Variants in CFLAR observed in about 807,000 individuals in gnomAD.
CFLAR encodes the protein CASP8 and FADD-like apoptosis regulator.
Under a neutral mutation model 51.1 loss-of-function variants are expected in CFLAR, and 14 were observed. The observed-to-expected ratio is 0.27, with a 90% CI of 0.18 to 0.43. The LOEUF is 0.43. Among genes scored for constraint, CFLAR ranks in the 20% least tolerant of loss-of-function variants. The pLI is 1.00. For missense variants in CFLAR, 390 were observed against 566.5 expected (o/e 0.69, Z 3.16); for synonymous variants, 210 against 211.6 (o/e 0.99, Z 0.06).
At chr2:201,132,439 A>ATG (rs1159751892) in intron 2 of CFLAR, among the ~76,000 whole-genome samples, 1 of 148,990 alleles carries the variant, frequency 6.7e-6, no homozygotes, top group African/African-American at 2.5e-5. Flanking sequence ...AAATATATAT[A>ATG]TATATATATA....
chr2:201,139,102 G>A (rs1285349973), intron 4 of CFLAR: 5 of 375,902 alleles, frequency 1.3e-5, no homozygotes, highest in Non-Finnish European at 2.6e-5. Context: ...AAATTCTTCT[G>A]CCTCGAGATG....
rs373336885 is a variant in CFLAR, at chr2:201,140,480, G to T, written c.606+41G>T. On this transcript the variant is annotated intron_variant, in intron 5 of 9. Transcript: ENST00000309955. ...ACATATGGAATCCCAGCATGAAACC[G>T]TTTCAGAGTTCTAATAAAAATATGC... 4.3e-5 allele frequency: 63 copies of T among 1,450,422 alleles called. No homozygotes were observed. In the East Asian group the frequency reaches 1.0e-3, roughly 24 times the overall value. The allele number at this position is 1,450,422 out of a possible 1,614,324, so 89.8% of individuals were successfully genotyped here.
Position 201,138,103 on chromosome 2 carries a change from C to G in CFLAR, c.523+1996C>G. ...CCGCGCAGTCCATGCCCCTGCCCAG[C>G]CCATCCACACCAGCGTCAATCAGGT... On this transcript the variant is annotated intron_variant, in intron 4 of 9. Coordinates refer to ENST00000309955, the MANE Select transcript of CFLAR (RefSeq NM_003879.7). This position sits in a 1 kb window ranked among gnomAD's most constrained non-coding sequence, Gnocchi z 4.0. The G allele has an allele frequency of 1.3e-6, 1 of 753,484 alleles. No individual in the cohort carries two copies. Among genetic ancestry groups the G allele is most frequent in the Non-Finnish European group, 2.5e-6 (1 of 406,114 alleles). The allele number at this position is 753,484 out of a possible 1,614,324, so 46.7% of individuals were successfully genotyped here.
intron 5 of CFLAR, chr2:201,140,774 T>TATACATAC (rs1280645947): frequency 6.2e-6 from 1 of 161,926 alleles, no homozygotes; most frequent in African/African-American, 2.4e-5. Context: ...TATATATATA[T>TATACATAC]ATACATACAT....
chr2:201,140,051 GA>G lies in CFLAR; in HGVS notation c.524-305del, dbSNP rs1938229612. 24 of 278,008 alleles carry G rather than the reference GA, an allele frequency of 8.6e-5. 1 individual carries two copies. The highest frequency in any genetic ancestry group is 6.1e-4 in the South Asian group (23 of 37,666). The allele number at this position is 278,008 out of a possible 1,614,324, so 17.2% of individuals were successfully genotyped here. On this transcript the variant is annotated intron_variant, in intron 4 of 9. Transcript: ENST00000309955. ...ATGCTGCCGCGAGACCCCGCGACCC[GA>G]CATAAACGCTGCAGCTGCTGCGACG...
chr2:201,156,389 T>G (rs932349341), intron 8 of CFLAR, among the ~76,000 whole-genome samples: 1 of 152,242 alleles, frequency 6.6e-6, no homozygotes, highest in Non-Finnish European at 1.5e-5. Flanking sequence ...TTGCCCATCT[T>G]ATGTTTTACC....
chr2:201,138,332 A>T lies in CFLAR; in HGVS notation c.524-2025A>T, dbSNP rs2050423265. 3 of 771,550 alleles carry T rather than the reference A, an allele frequency of 3.9e-6. No homozygotes were observed. In the East Asian group the frequency reaches 7.3e-5, roughly 19 times the overall value. 47.8% of individuals were successfully genotyped at this position (771,550 alleles called of 1,614,324 possible). A position where few individuals can be genotyped will look rare whatever the true frequency, so the allele number is the denominator to read the frequency against. On this transcript the variant is annotated intron_variant, in intron 4 of 9. Coordinates refer to ENST00000309955, the MANE Select transcript of CFLAR (RefSeq NM_003879.7). This position sits in a 1 kb window ranked among gnomAD's most constrained non-coding sequence, Gnocchi z 4.0. ...GGTACCCACAGCTGCCCCGCCCAGCAGCTGCTCATGGGAATCCTTGGAGGC... is the reference window on the plus strand; with the variant it reads ...GGTACCCACAGCTGCCCCGCCCAGCTGCTGCTCATGGGAATCCTTGGAGGC...
chr2:201,165,642 A>T lies in CFLAR; in HGVS notation c.*1669A>T, dbSNP rs1031722231. ...TGTTTCTCACAGAGGGTGATTTGGC[A>T]GGGTCACAGGACAATAGTGGAGGGA... is the stretch of plus-strand genomic sequence containing the variant. On this transcript the variant is annotated 3_prime_UTR_variant, in exon 10 of 10. Coordinates refer to ENST00000309955, the MANE Select transcript of CFLAR (RefSeq NM_003879.7). 1 of 156,368 alleles carries T rather than the reference A, an allele frequency of 6.4e-6. No individual in the cohort carries two copies. The highest frequency in any genetic ancestry group is 6.5e-5 in the Admixed American group (1 of 15,328). 9.7% of individuals were successfully genotyped at this position (156,368 alleles called of 1,614,324 possible).
In CFLAR at chr2:201,161,570, C is replaced by T. The variant is rs182703799; in HGVS notation, c.1304+628C>T. Among the ~76,000 whole-genome samples, 97 of 151,284 alleles carry T rather than the reference C, an allele frequency of 6.4e-4. 3 individuals carry two copies. In the South Asian group the frequency reaches 0.017, roughly 26 times the overall value. On this transcript the variant is annotated intron_variant, in intron 9 of 9. Coordinates refer to ENST00000309955, the MANE Select transcript of CFLAR (RefSeq NM_003879.7). ...CTGGGATTACAGGCATGTGCCACCACGCCCTGGCTAATTTTTGTATTTTTA... is the reference window on the plus strand; with the variant it reads ...CTGGGATTACAGGCATGTGCCACCATGCCCTGGCTAATTTTTGTATTTTTA...
At chr2:201,137,499 G>A (rs1033833080) in intron 4 of CFLAR, 31 of 603,650 alleles carry the variant, frequency 5.1e-5, no homozygotes, top group East Asian at 4.0e-4. Flanking sequence ...CCACCATCTC[G>A]CCCTGCACCG....
chr2:201,147,285 T>C (rs540136120), intron 6 of CFLAR, among the ~76,000 whole-genome samples: 1 of 152,282 alleles, frequency 6.6e-6, no homozygotes, highest in South Asian at 2.1e-4. Flanking sequence ...TCCCAGCACT[T>C]TGGGAGGTCG....
At chr2:201,122,603 C>G (rs1350654986) in intron 1 of CFLAR, 1 of 152,178 alleles carries the variant, frequency 6.6e-6, no homozygotes, top group African/African-American at 2.4e-5. Context: ...TATGACAGTA[C>G]TCAACTGAGT....
At chr2:201,161,352 C>T (rs1284474248) in intron 9 of CFLAR, among the ~76,000 whole-genome samples, 2 of 152,080 alleles carry the variant, frequency 1.3e-5, no homozygotes, top group East Asian at 1.9e-4. Flanking sequence ...GCCTGAGCAA[C>T]AGAGGGAGAC....
intron 8 of CFLAR, among the ~76,000 whole-genome samples, chr2:201,155,910 C>A (rs1942103170): frequency 6.6e-6 from 1 of 152,188 alleles, no homozygotes; most frequent in South Asian, 2.1e-4. Context: ...CAGGCACATG[C>A]TATCATGTCT....
At chr2:201,163,036 A>G (rs769546829) in intron 9 of CFLAR, 1 of 758,032 alleles carries the variant, frequency 1.3e-6, no homozygotes, top group Non-Finnish European at 2.4e-6. Flanking sequence ...GTCAAAGGAC[A>G]TGCATTTTTC....
At position 201,164,030 on chromosome 2, in the gene CFLAR, C is replaced by A; in HGVS notation, c.*57C>A. ...CCTGTAATCCCAGCACTTTGGGAGG[C>A]CAAGGAGGGCAGATCACTTCAGGTC... On this transcript the variant is annotated 3_prime_UTR_variant, in exon 10 of 10. Transcript: ENST00000309955. The A allele has an allele frequency of 2.1e-6, 3 of 1,453,124 alleles. No homozygotes were observed. Among genetic ancestry groups the A allele is most frequent in the Non-Finnish European group, 2.8e-6 (3 of 1,059,754 alleles). 90.0% of individuals were successfully genotyped at this position (1,453,124 alleles called of 1,614,324 possible).
At chr2:201,131,550 C>T (rs758220126) in intron 2 of CFLAR, among the ~76,000 whole-genome samples, 4 of 152,050 alleles carry the variant, frequency 2.6e-5, no homozygotes, top group Non-Finnish European at 5.9e-5. Flanking sequence ...TTTTTTCTCT[C>T]GACCACCAGC....
intron 1 of CFLAR, among the ~76,000 whole-genome samples, chr2:201,121,982 T>C (rs2048230238): frequency 6.6e-6 from 1 of 152,210 alleles, no homozygotes; most frequent in Admixed American, 6.5e-5. Context: ...AAAGGTGACA[T>C]CAGATGGTTT....
Position 201,166,975 on chromosome 2 carries a change from G to GAGAGGGAGA in CFLAR, c.*3002_*3003insAGAGGGAGA, listed in dbSNP as rs1559268330. The stretch of plus-strand genomic sequence containing the variant: ...GTGGGGAGAGGGAGAAGAGAGGGAG[G>GAGAGGGAGA]GGGAGAGGGCTATTTTTAAAATTTT... On this transcript the variant is annotated 3_prime_UTR_variant, in exon 10 of 10. Transcript: ENST00000309955. 1.3e-5 allele frequency: 2 copies of GAGAGGGAGA among 150,464 alleles called. No homozygotes were observed. Among genetic ancestry groups the GAGAGGGAGA allele is most frequent in the East Asian group, 3.9e-4 (2 of 5,142 alleles). The allele number at this position is 150,464 out of a possible 1,614,324, so 9.3% of individuals were successfully genotyped here. A position where few individuals can be genotyped will look rare whatever the true frequency, so the allele number is the denominator to read the frequency against.
Sources: gnomAD v4.1 joint callset for allele counts (sites outside exome capture counted in the v4.1 genomes callset) on GRCh38, gnomAD v4.1.1 for gene constraint, Gnocchi (gnomAD v3.1) non-coding constraint, MANE v1.5 for transcripts, NCBI Gene and HGNC (gene_info 2026-07-23, HGNC 2026-07-21) for gene names.